Variants in WWOX observed in about 807,000 individuals in gnomAD.
The protein encoded by WWOX is WW domain containing oxidoreductase.
Under a neutral mutation model 46.2 loss-of-function variants are expected in WWOX, and 69 were observed. That is an observed-to-expected ratio of 1.49 (90% CI 1.23 to 1.82). The LOEUF (loss-of-function observed/expected upper bound fraction) is 1.82. Among genes scored for constraint, WWOX ranks in the 40% most tolerant of loss-of-function variants. WWOX has a pLI of 0.00. For missense variants in WWOX, 919 were observed against 542.6 expected, an observed-to-expected ratio of 1.69 and a Z score of -6.89; for synonymous variants, 359 against 202.6, an observed-to-expected ratio of 1.77 and a Z score of -6.56.
chr16:78,469,907 G>C (rs1393798276), intron 8 of WWOX, among the ~76,000 whole-genome samples: 1 of 152,250 alleles, frequency 6.6e-6, no homozygotes, highest in South Asian at 2.1e-4. Context: ...GAGCCAATAA[G>C]ATGTAACTGA....
chr16:78,145,595 T>C (rs2034171101), intron 4 of WWOX, among the ~76,000 whole-genome samples: 1 of 152,186 alleles, frequency 6.6e-6, no homozygotes, highest in Non-Finnish European at 1.5e-5. Flanking sequence ...CTGTCTCTCT[T>C]CATCCGCTGA....
intron 5 of WWOX, among the ~76,000 whole-genome samples, chr16:78,245,167 T>C (rs1597395727): frequency 6.6e-6 from 1 of 152,206 alleles, no homozygotes; most frequent in East Asian, 1.9e-4. Context: ...TTCTTTTCTC[T>C]CTTAACATTT....
chr16:78,732,581 A>G lies in WWOX; in HGVS notation c.1056+299829A>G, dbSNP rs569408543. On this transcript the variant is annotated intron_variant, in intron 8 of 8. Coordinates refer to ENST00000566780, the MANE Select transcript of WWOX (RefSeq NM_016373.4). Reference sequence around the variant, plus strand: ...CACTTCAAAGTCTTTGGGTAATTTGATAAAGATGTGGTAACTGGGCTATGC... The same window carrying G: ...CACTTCAAAGTCTTTGGGTAATTTGGTAAAGATGTGGTAACTGGGCTATGC... Among the ~76,000 whole-genome samples, 99 of 152,286 alleles carry G rather than the reference A, an allele frequency of 6.5e-4. 1 individual carries two copies. The highest frequency in any genetic ancestry group is 1.1e-3 in the Non-Finnish European group (74 of 68,020).
At chr16:78,431,538 C>G (rs893347306) in intron 7 of WWOX, among the ~76,000 whole-genome samples, 1 of 152,076 alleles carries the variant, frequency 6.6e-6, no homozygotes, top group African/African-American at 2.4e-5. Flanking sequence ...GCCCTTTATT[C>G]AAGACACTTT....
chr16:78,878,097 A>T (rs750917533), intron 8 of WWOX, among the ~76,000 whole-genome samples: 1 of 152,178 alleles, frequency 6.6e-6, no homozygotes, highest in Non-Finnish European at 1.5e-5. Flanking sequence ...GTACTGGCTC[A>T]GTAAGTATCC....
chr16:78,249,769 C>G (rs965691022), intron 5 of WWOX, among the ~76,000 whole-genome samples: 1 of 139,144 alleles, frequency 7.2e-6, no homozygotes, highest in Non-Finnish European at 1.5e-5. Context: ...TTGAAAGCCT[C>G]AAACTAGAAC....
chr16:78,225,903 T>A (rs2037038594), intron 5 of WWOX, among the ~76,000 whole-genome samples: 1 of 152,178 alleles, frequency 6.6e-6, no homozygotes, highest in Non-Finnish European at 1.5e-5. Context: ...TCCCTTCTAT[T>A]CTACATCTAA....
intron 8 of WWOX, among the ~76,000 whole-genome samples, chr16:78,972,984 A>G (rs992453184): frequency 6.6e-6 from 1 of 152,198 alleles, no homozygotes; most frequent in Non-Finnish European, 1.5e-5. Context: ...TTGATTCATA[A>G]GATCCCTTCC....
chr16:78,522,238 T>A (rs1042223859), intron 8 of WWOX, among the ~76,000 whole-genome samples: 2 of 151,446 alleles, frequency 1.3e-5, no homozygotes, highest in African/African-American at 4.9e-5. Context: ...TCATGAAACC[T>A]AGAAGGAGTT....
chr16:78,189,500 C>G (rs2035814584), intron 5 of WWOX, among the ~76,000 whole-genome samples: 1 of 152,138 alleles, frequency 6.6e-6, no homozygotes, highest in Non-Finnish European at 1.5e-5. Flanking sequence ...CAACTGAAGA[C>G]AGTTTTAAGT....
At chr16:78,951,511 CACAGT>C (rs2046059535) in intron 8 of WWOX, among the ~76,000 whole-genome samples, 1 of 104,056 alleles carries the variant, frequency 9.6e-6, no homozygotes, top group Admixed American at 9.9e-5. Flanking sequence ...TGAAGTACCT[CACAGT>C]AAAGAAGTCA....
chr16:79,198,052 T>TG (rs1007241274), intron 8 of WWOX, among the ~76,000 whole-genome samples: 1 of 152,042 alleles, frequency 6.6e-6, no homozygotes, highest in Non-Finnish European at 1.5e-5. Flanking sequence ...GGGCTGGGCA[T>TG]GGTGGCTCAT....
intron 8 of WWOX, among the ~76,000 whole-genome samples, chr16:79,075,744 G>C (rs2048643791): frequency 6.6e-6 from 1 of 151,784 alleles, no homozygotes; most frequent in African/African-American, 2.4e-5. Flanking sequence ...GTAGAGATGG[G>C]GTCTCATCTG....
At chr16:78,175,681 A>C (rs996401483) in intron 5 of WWOX, among the ~76,000 whole-genome samples, 4 of 152,190 alleles carry the variant, frequency 2.6e-5, no homozygotes, top group Admixed American at 6.5e-5. Flanking sequence ...GATTCATGTC[A>C]TGAGAGATCC....
chr16:79,042,449 A>G (rs1215256617), intron 8 of WWOX, among the ~76,000 whole-genome samples: 1 of 152,136 alleles, frequency 6.6e-6, no homozygotes, highest in Non-Finnish European at 1.5e-5. Flanking sequence ...TTCCCTGGTT[A>G]TTTATCTTCC....
chr16:78,899,895 C>T lies in WWOX; in HGVS notation c.1057-311713C>T, dbSNP rs145976303. On this transcript the variant is annotated intron_variant, in intron 8 of 8. Transcript: ENST00000566780. ...AAATACAGCCCATTAACACTTGTTC[C>T]TCTCTGTCAGGACATAAATTAAGTC... 1.5e-3 allele frequency among the ~76,000 whole-genome samples: 224 copies of T among 152,214 alleles called. 2 individuals are homozygous for T. The highest frequency in any genetic ancestry group is 5.2e-3 in the African/African-American group (216 of 41,530).
intron 8 of WWOX, among the ~76,000 whole-genome samples, chr16:78,445,542 AT>A: frequency 6.6e-6 from 1 of 152,296 alleles, no homozygotes; most frequent in African/African-American, 2.4e-5. Context: ...AGGAGCTTTA[AT>A]TTGAGTAATT....
intron 5 of WWOX, among the ~76,000 whole-genome samples, chr16:78,248,513 A>G (rs747931101): frequency 2.0e-5 from 3 of 152,134 alleles, no homozygotes; most frequent in Admixed American, 6.5e-5. Flanking sequence ...AGGCAGGTGG[A>G]TTGCTTGAGC....
chr16:78,554,911 CT>C (rs1482173768), intron 8 of WWOX, among the ~76,000 whole-genome samples: 5 of 152,086 alleles, frequency 3.3e-5, no homozygotes, highest in Non-Finnish European at 7.4e-5. Flanking sequence ...GACTGTAAGC[CT>C]TACCCAAGCA....
Sources: allele counts gnomAD v4.1 joint callset (sites outside exome capture counted in the v4.1 genomes callset), GRCh38; gene constraint gnomAD v4.1.1; transcripts MANE v1.5; gene names NCBI Gene and HGNC (gene_info 2026-07-23, HGNC 2026-07-21).